Variants in KCNAB1 observed in about 807,000 individuals in gnomAD.
KCNAB1 encodes voltage-gated potassium channel subunit beta-1.
KCNAB1 carries 35 observed loss-of-function variants against 64.6 expected under a neutral mutation model. That is an observed-to-expected ratio of 0.54 (90% confidence interval 0.41 to 0.72). The LOEUF is 0.72. Among genes scored for constraint, KCNAB1 ranks in the 30% least tolerant of loss-of-function variants. The pLI is 0.00. For missense variants in KCNAB1, 401 were observed against 512.9 expected (o/e 0.78, Z 2.11); for synonymous variants, 177 against 183.8 (o/e 0.96, Z 0.30).
In KCNAB1 at chr3:156,393,307, A is replaced by G. The variant is rs146123984; in HGVS notation, c.276-28309A>G. On this transcript the variant is annotated intron_variant, in intron 1 of 13. Transcript: ENST00000490337. ...ACTTGATGATCTCCTTGGAGTTTTT[A>G]CCCCTTACGTATGTCTATTCTTCAG... Among the ~76,000 whole-genome samples the G allele has an allele frequency of 9.2e-5, 14 of 152,020 alleles. No homozygotes were observed. The East Asian group carries it at 2.5e-3, about 27-fold the overall frequency.
At chr3:156,336,406 C>T (rs1723714862) in intron 1 of KCNAB1, among the ~76,000 whole-genome samples, 1 of 152,020 alleles carries the variant, frequency 6.6e-6, no homozygotes, top group Non-Finnish European at 1.5e-5. Flanking sequence ...TACTTTTAAC[C>T]ATATGGCTGT....
intron 1 of KCNAB1, among the ~76,000 whole-genome samples, chr3:156,356,003 T>C (rs1725206006): frequency 6.6e-6 from 1 of 151,400 alleles, no homozygotes; most frequent in Non-Finnish European, 1.5e-5. Flanking sequence ...GCACCTGTAG[T>C]CCCAGCTACT....
intron 7 of KCNAB1, among the ~76,000 whole-genome samples, chr3:156,471,341 G>A (rs576826478): frequency 6.6e-6 from 1 of 152,210 alleles, no homozygotes; most frequent in South Asian, 2.1e-4. Flanking sequence ...GAACCTAAAA[G>A]AAAAATGGAC....
chr3:156,287,381 G>A (rs1028978718), intron 1 of KCNAB1, among the ~76,000 whole-genome samples: 29 of 150,220 alleles, frequency 1.9e-4, no homozygotes, highest in Admixed American at 4.6e-4. Context: ...ACCCCAGGGC[G>A]TCCACAAAAC....
intron 1 of KCNAB1, among the ~76,000 whole-genome samples, chr3:156,167,159 T>C (rs1711624585): frequency 6.6e-6 from 1 of 152,200 alleles, no homozygotes; most frequent in South Asian, 2.1e-4. Context: ...CCTCACTGAA[T>C]GACTTACACA....
intron 1 of KCNAB1, among the ~76,000 whole-genome samples, chr3:156,189,926 T>C (rs1033806981): frequency 1.3e-5 from 2 of 152,184 alleles, no homozygotes; most frequent in Non-Finnish European, 2.9e-5. Flanking sequence ...CTGATACCCA[T>C]GCTGAATTGA....
chr3:156,432,591 A>G (rs995107537), intron 2 of KCNAB1, among the ~76,000 whole-genome samples: 1 of 152,214 alleles, frequency 6.6e-6, no homozygotes. Flanking sequence ...GCTAAATTGG[A>G]GCTGACGGTC....
chr3:156,258,978 C>T lies in KCNAB1; in HGVS notation c.275+138092C>T, dbSNP rs1288609160. Among the ~76,000 whole-genome samples the T allele has an allele frequency of 2.6e-5, 4 of 152,232 alleles. No homozygotes were observed. The East Asian group carries it at 7.7e-4, about 29-fold the overall frequency. ...TGAGCAGGGAAATGGAACGATTCGG[C>T]TTCCAATTGGTCTTTGTTTAATGTT... On this transcript the variant is annotated intron_variant, in intron 1 of 13. Coordinates refer to ENST00000490337, the MANE Select transcript of KCNAB1 (RefSeq NM_172160.3).
At chr3:156,179,419 C>G (rs915395440) in intron 1 of KCNAB1, among the ~76,000 whole-genome samples, 1 of 99,670 alleles carries the variant, frequency 1.0e-5, no homozygotes, top group Non-Finnish European at 2.0e-5. Context: ...GTTTGGAACC[C>G]CCCCCCCCAC....
At chr3:156,230,615 TGA>T (rs761093113) in intron 1 of KCNAB1, among the ~76,000 whole-genome samples, 8 of 151,200 alleles carry the variant, frequency 5.3e-5, no homozygotes, top group Middle Eastern at 3.2e-3. Context: ...GGAATTTACA[TGA>T]GAGAGAGAGA....
chr3:156,511,526 A>G (rs1235188781), intron 8 of KCNAB1, among the ~76,000 whole-genome samples: 1 of 152,186 alleles, frequency 6.6e-6, no homozygotes, highest in Non-Finnish European at 1.5e-5. Context: ...ACAGCCAGAT[A>G]TCTGGGAAAC....
At chr3:156,388,436 T>C (rs3755629) in intron 1 of KCNAB1, among the ~76,000 whole-genome samples, 40,657 of 152,058 alleles carry the variant, frequency 0.27, 6,911 homozygotes, top group African/African-American at 0.49. Context: ...GGACAGTGTT[T>C]CTTCTCCCAG....
chr3:156,414,654 T>C (rs1714923973), intron 1 of KCNAB1, among the ~76,000 whole-genome samples: 1 of 152,198 alleles, frequency 6.6e-6, no homozygotes, highest in Non-Finnish European at 1.5e-5. Flanking sequence ...GATGTATTTT[T>C]CCCATTCAAG....
chr3:156,313,731 A>ATTTC (rs1047195715), intron 1 of KCNAB1, among the ~76,000 whole-genome samples: 2 of 152,222 alleles, frequency 1.3e-5, no homozygotes, highest in African/African-American at 4.8e-5. Context: ...ACTGGAAGAA[A>ATTTC]GTAAGTTGGT....
intron 1 of KCNAB1, among the ~76,000 whole-genome samples, chr3:156,210,153 G>A (rs553906390): frequency 2.6e-5 from 4 of 152,280 alleles, no homozygotes; most frequent in Non-Finnish European, 5.9e-5. Context: ...TCGGTGAGCT[G>A]AGGGTTGCTG....
At chr3:156,446,621 T>C (rs574014868) in intron 2 of KCNAB1, among the ~76,000 whole-genome samples, 1 of 152,324 alleles carries the variant, frequency 6.6e-6, no homozygotes, top group Non-Finnish European at 1.5e-5. Context: ...CTCCCCATAC[T>C]CTGACCTTGG....
chr3:156,288,683 G>C (rs1246930890), intron 1 of KCNAB1, among the ~76,000 whole-genome samples: 1 of 152,196 alleles, frequency 6.6e-6, no homozygotes, highest in African/African-American at 2.4e-5. Flanking sequence ...ACTGTGGGCA[G>C]CCAGAAAGAG....
intron 1 of KCNAB1, among the ~76,000 whole-genome samples, chr3:156,135,405 T>C (rs1174130193): frequency 6.6e-6 from 1 of 152,216 alleles, no homozygotes; most frequent in African/African-American, 2.4e-5. Flanking sequence ...ATTTAAGTCC[T>C]TGTCCACTAA....
chr3:156,473,028 A>C (rs984613481), intron 7 of KCNAB1, among the ~76,000 whole-genome samples: 1 of 152,228 alleles, frequency 6.6e-6, no homozygotes, highest in Non-Finnish European at 1.5e-5. Flanking sequence ...ATTGTCAGAA[A>C]ACAAGATACT....
Sources: gnomAD v4.1 joint callset for allele counts (sites outside exome capture counted in the v4.1 genomes callset) on GRCh38, gnomAD v4.1.1 for gene constraint, MANE v1.5 for transcripts, NCBI Gene and HGNC (gene_info 2026-07-23, HGNC 2026-07-21) for gene names.